Variants in RPS6KA1 observed in about 807,000 individuals in gnomAD.
The protein encoded by RPS6KA1 is ribosomal protein S6 kinase A1.
A neutral mutation model predicts 91.3 loss-of-function variants in RPS6KA1; 48 were observed. The observed-to-expected ratio is 0.53, with a 90% CI of 0.42 to 0.67. RPS6KA1 has a LOEUF of 0.67. Among genes scored for constraint, RPS6KA1 ranks in the 30% least tolerant of loss-of-function variants. The probability of loss-of-function intolerance (pLI) is 0.00; values close to 1 mark genes in which losing one functional copy is unlikely to be tolerated. For missense variants in RPS6KA1, 719 were observed against 960.5 expected (o/e 0.75, Z 3.32); for synonymous variants, 359 against 384.7 (o/e 0.93, Z 0.78).
At chr1:26,573,200 C>A in intron 20 of RPS6KA1, 24 bp from the exon 21 acceptor site, 1 of 1,611,778 alleles carries the variant, frequency 6.2e-7, no homozygotes, top group Non-Finnish European at 8.5e-7. Flanking sequence ...CCTCCCCCAA[C>A]CCCCTTGCCC....
chr1:26,574,624 A>G lies in RPS6KA1; in HGVS notation c.*423A>G, dbSNP rs985064661. The G allele has an allele frequency of 2.6e-5, 10 of 378,042 alleles. No individual in the cohort carries two copies. The highest frequency in any genetic ancestry group is 1.1e-4 in the African/African-American group (5 of 47,260). The allele number at this position is 378,042 out of a possible 1,614,324, so 23.4% of individuals were successfully genotyped here. On this transcript the variant is annotated 3_prime_UTR_variant, in exon 22 of 22. Transcript: ENST00000374168. This position sits in a 1 kb window ranked among gnomAD's most constrained non-coding sequence, Gnocchi z 4.3. Reference sequence around the variant, plus strand: ...CGATTGGCCACCTGTAGCCATCTGCACACACCTCCGAGACAGTCCAGTGTC... The same window carrying G: ...CGATTGGCCACCTGTAGCCATCTGCGCACACCTCCGAGACAGTCCAGTGTC...
rs1454425687 is a variant in RPS6KA1 at position 26,555,598 on chromosome 1, T to C, written c.889T>C (p.Phe297Leu). 20 of 1,601,262 alleles carry C rather than the reference T, an allele frequency of 1.2e-5. No individual in the cohort carries two copies. Among genetic ancestry groups the C allele is most frequent in the Non-Finnish European group, 1.4e-5 (17 of 1,173,384 alleles). The change falls in exon 11 of 22, where the codon TTC (phenylalanine) becomes CTC (leucine). Residue 297 changes from phenylalanine (F) to leucine (L), a missense_variant. By Grantham distance (22) the Phe-to-Leu change is conservative. This residue lies in a region of RPS6KA1 where 228 missense variants were observed against 247.6 expected (regional missense o/e 0.92). Transcript: ENST00000374168. This position sits in a 1 kb window ranked among gnomAD's most constrained non-coding sequence, Gnocchi z 4.3. ...AGCCCAGAGCCTCTTGCGGGCCCTG[T>C]TCAAGCGGAATCCTGCCAACCGGCT... ...TEAQSLLRAL[F>L]KRNPANRLGS...
chr1:26,556,955 T>C (rs1289154679), intron 12 of RPS6KA1, 43 bp from the exon 13 acceptor site: 1 of 1,481,520 alleles, frequency 6.7e-7, no homozygotes, highest in African/African-American at 1.4e-5. Context: ...TGGTGGGCTG[T>C]TGAGGATGCC....
In RPS6KA1 at chr1:26,557,059, CCTT is replaced by C; in HGVS notation, c.1046_1048del (p.Phe349del). On this transcript the variant is annotated inframe_deletion, in exon 13 of 22. Transcript: ENST00000374168. ...CCAGCAGTGGCTCAGCCTGATGACACCTTCTACTTTGACACCGAGTTCACGTCC... is the reference window on the plus strand; with the variant it reads ...CCAGCAGTGGCTCAGCCTGATGACACCTACTTTGACACCGAGTTCACGTCC... 2.5e-6 allele frequency: 4 copies of C among 1,614,140 alleles called. No individual in the cohort carries two copies. Among genetic ancestry groups the C allele is most frequent in the Non-Finnish European group, 1.7e-6 (2 of 1,180,024 alleles).
In RPS6KA1 at chr1:26,558,812, C is replaced by T; in HGVS notation, c.1090C>T (p.Pro364Ser). The change falls in exon 14 of 22, where the codon CCA (proline) becomes TCA (serine). Residue 364 changes from proline to serine, a missense_variant. Transcript: ENST00000374168. The surrounding 1 kb of genome is among the most constrained non-coding windows in gnomAD (Gnocchi z 4.0). ...TTCTCCTTCCATCCGTACAGATTCC[C>T]CAGGCATCCCCCCCAGCGCTGGGGC... ...EFTSRTPKDS[P>S]GIPPSAGAHQ... The T allele has an allele frequency of 6.2e-7, 1 of 1,608,088 alleles. No individual in the cohort carries two copies. Among genetic ancestry groups the T allele is most frequent in the Non-Finnish European group, 8.5e-7 (1 of 1,175,200 alleles).
intron 20 of RPS6KA1, 35 bp from the exon 21 acceptor site, chr1:26,573,189 C>T (rs1426109935): frequency 4.4e-6 from 7 of 1,608,386 alleles, no homozygotes; most frequent in Non-Finnish European, 5.1e-6. Context: ...TCCCCTGCAG[C>T]CCTCCCCCAA....
chr1:26,572,638 C>T (rs1258973562), intron 20 of RPS6KA1, among the ~76,000 whole-genome samples: 1 of 152,172 alleles, frequency 6.6e-6, no homozygotes, highest in Non-Finnish European at 1.5e-5. Flanking sequence ...GGCGGACGCT[C>T]TTGGCCAGGG....
chr1:26,559,078 G>A (rs1262714073), intron 14 of RPS6KA1, 141 bp downstream of exon 14: 2 of 976,614 alleles, frequency 2.0e-6, no homozygotes, highest in African/African-American at 3.3e-5. Context: ...AACAGGGACA[G>A]TAAGGCCCAC....
chr1:26,558,820 C>G lies in RPS6KA1; in HGVS notation c.1098C>G (p.Ile366Met). 6.3e-7 allele frequency: 1 copy of G among 1,598,266 alleles called. No homozygotes were observed. Among genetic ancestry groups the G allele is most frequent in the Non-Finnish European group, 8.6e-7 (1 of 1,169,122 alleles). The change falls in exon 14 of 22, where the codon ATC becomes ATG. Residue 366 changes from isoleucine to methionine, a missense_variant. Around this residue, in one of 5 missense-constraint regions of RPS6KA1, gnomAD observed 228 missense variants for 247.6 expected, o/e 0.92. Coordinates refer to ENST00000374168, the MANE Select transcript of RPS6KA1 (RefSeq NM_002953.4). This position sits in a 1 kb window ranked among gnomAD's most constrained non-coding sequence, Gnocchi z 4.0. ...CCATCCGTACAGATTCCCCAGGCAT[C>G]CCCCCCAGCGCTGGGGCCCATCAGC... ...TSRTPKDSPG[I>M]PPSAGAHQLF... is the part of the protein sequence containing the mutation.
chr1:26,561,394 C>G lies in RPS6KA1; in HGVS notation c.1432-111C>G. 2 of 1,398,522 alleles carry G rather than the reference C, an allele frequency of 1.4e-6. No homozygotes were observed. Among genetic ancestry groups the G allele is most frequent in the Non-Finnish European group, 2.0e-6 (2 of 1,001,136 alleles). 86.6% of individuals were successfully genotyped at this position (1,398,522 alleles called of 1,614,324 possible). On this transcript the variant is annotated intron_variant, in intron 16 of 21. Coordinates refer to ENST00000374168, the MANE Select transcript of RPS6KA1 (RefSeq NM_002953.4). This position sits in a 1 kb window ranked among gnomAD's most constrained non-coding sequence, Gnocchi z 5.7. ...GAAGGCAGGACCACTGAAGAGCAAG[C>G]AGAACACCTGCCCAAGGCTCATGTC...
At position 26,553,391 on chromosome 1, in the gene RPS6KA1, G is replaced by A. The variant is rs775659702; in HGVS notation, c.469G>A (p.Val157Met). 44 of 1,607,426 alleles carry A rather than the reference G, an allele frequency of 2.7e-5. No individual in the cohort carries two copies. The highest frequency in any genetic ancestry group is 3.6e-5 in the Non-Finnish European group (42 of 1,174,436). Reference sequence around the variant, plus strand: ...TGAAGGCCCCTCCTGTCTTTTGCAGGTGATGTTCACGGAGGAGGATGTGAA... The same window carrying A: ...TGAAGGCCCCTCCTGTCTTTTGCAGATGATGTTCACGGAGGAGGATGTGAA... ...GDLFTRLSKE[V>M]MFTEEDVKFY... is the part of the protein sequence containing the mutation. Residue 157 changes from valine (V) to methionine (M), a missense_variant and splice_region_variant, in exon 7 of 22, where the codon GTG (valine) becomes ATG (methionine). Val to Met is a conservative substitution (Grantham distance 21). Coordinates refer to ENST00000374168, the MANE Select transcript of RPS6KA1 (RefSeq NM_002953.4).
chr1:26,539,588 A>C (rs2075931456), intron 2 of RPS6KA1, among the ~76,000 whole-genome samples: 1 of 152,274 alleles, frequency 6.6e-6, no homozygotes, highest in Admixed American at 6.5e-5. Flanking sequence ...AATGTGGTAC[A>C]TATAAATTAA....
Position 26,571,641 on chromosome 1 carries a change from G to A in RPS6KA1, c.1752+31G>A, listed in dbSNP as rs756664889. 6.2e-7 allele frequency: 1 copy of A among 1,609,128 alleles called. No homozygotes were observed. Among genetic ancestry groups the A allele is most frequent in the Admixed American group, 1.7e-5 (1 of 59,534 alleles). On this transcript the variant is annotated intron_variant, in intron 18 of 21. Coordinates refer to ENST00000374168, the MANE Select transcript of RPS6KA1 (RefSeq NM_002953.4). This position sits in a 1 kb window ranked among gnomAD's most constrained non-coding sequence, Gnocchi z 5.1. ...TGGCCCAGCCTCCTCAGCTGTAAGA[G>A]TGAGGGGGAATTGGAGGCCTTGTGC...
chr1:26,536,547 C>T (rs1022329530), intron 1 of RPS6KA1, among the ~76,000 whole-genome samples: 1 of 152,222 alleles, frequency 6.6e-6, no homozygotes, highest in Non-Finnish European at 1.5e-5. Context: ...TGAGTCCTCT[C>T]ACAGTTGACT....
chr1:26,554,231 A>G lies in RPS6KA1; in HGVS notation c.593A>G (p.Glu198Gly). Residue 198 changes from glutamate (E) to glycine (G), a missense_variant, in exon 8 of 22, where the codon GAG becomes GGG. Physicochemically the swap from Glu to Gly is moderately conservative, Grantham distance 98. This residue lies in a region of RPS6KA1 where 159 missense variants were observed against 264.5 expected (regional missense o/e 0.60). Coordinates refer to ENST00000374168, the MANE Select transcript of RPS6KA1 (RefSeq NM_002953.4). This position sits in a 1 kb window ranked among gnomAD's most constrained non-coding sequence, Gnocchi z 4.6. ...TATTACAGCATCCTTCTGGATGAGG[A>G]GGGCCACATCAAACTCACTGGTGAG... ...LKPENILLDE[E>G]GHIKLTDFGL... The G allele has an allele frequency of 1.3e-6, 2 of 1,556,660 alleles. No individual in the cohort carries two copies. The highest frequency in any genetic ancestry group is 1.2e-5 in the South Asian group (1 of 84,338).
chr1:26,549,901 C>A (rs140745855), intron 4 of RPS6KA1, among the ~76,000 whole-genome samples: 10 of 149,014 alleles, frequency 6.7e-5, no homozygotes, highest in African/African-American at 2.5e-4. Context: ...TTTTTTGAGA[C>A]GGAGTTTCAC....
intron 2 of RPS6KA1, among the ~76,000 whole-genome samples, chr1:26,541,663 C>G (rs1453825448): frequency 6.6e-6 from 1 of 152,274 alleles, no homozygotes; most frequent in African/African-American, 2.4e-5. Context: ...CCAGCTCCCC[C>G]TCAAGGCTGC....
At chr1:26,542,329 T>C (rs947946517) in intron 2 of RPS6KA1, among the ~76,000 whole-genome samples, 9 of 151,998 alleles carry the variant, frequency 5.9e-5, no homozygotes, top group Non-Finnish European at 1.0e-4. Flanking sequence ...TTTCACAATC[T>C]CCCGGCAGCC....
rs1036965695 is a variant in RPS6KA1 at position 26,551,989 on chromosome 1, T to C, written c.468+266T>C. ...TGCACCTGCCTTCTTCCAGGGCTGC[T>C]CTGGGCAGAGGTGTGAAGATAGGGG... On this transcript the variant is annotated intron_variant, in intron 6 of 21. Transcript: ENST00000374168. The surrounding 1 kb of genome is among the most constrained non-coding windows in gnomAD (Gnocchi z 4.5). Among the ~76,000 whole-genome samples, 1 of 152,202 alleles carries C rather than the reference T, an allele frequency of 6.6e-6. No individual in the cohort carries two copies. Among genetic ancestry groups the C allele is most frequent in the Non-Finnish European group, 1.5e-5 (1 of 68,038 alleles).
Sources: allele counts gnomAD v4.1 joint callset (sites outside exome capture counted in the v4.1 genomes callset), GRCh38; gene constraint gnomAD v4.1.1; regional missense constraint gnomAD v4.1.1; non-coding constraint Gnocchi (gnomAD v3.1); transcripts MANE v1.5; gene names NCBI Gene and HGNC (gene_info 2026-07-23, HGNC 2026-07-21).